PEPD: variants seen among roughly 807,000 people sequenced by gnomAD.
The protein encoded by PEPD is xaa-Pro dipeptidase.
PEPD carries 53 observed loss-of-function variants against 60.7 expected under a neutral mutation model. The ratio of observed to expected loss-of-function variants is 0.87; its 90% CI spans 0.70 to 1.10. The LOEUF (loss-of-function observed/expected upper bound fraction) is 1.10. Among genes scored for constraint, PEPD ranks in the 50% least tolerant of loss-of-function variants. The probability of loss-of-function intolerance (pLI) is 0.00; values close to 1 mark genes in which losing one functional copy is unlikely to be tolerated. For synonymous variants in PEPD, 267 were observed against 284.1 expected (o/e 0.94, Z 0.60); for missense variants, 711 against 711.9 (o/e 1.00, Z 0.01).
chr19:33,440,594 C>T (rs139653307), intron 9 of PEPD, among the ~76,000 whole-genome samples: 1,688 of 152,254 alleles, frequency 0.011, 23 homozygotes, highest in South Asian at 0.07. Context: ...CTCAGTCCCT[C>T]GCCCACTTTG....
At chr19:33,431,679 T>G (rs1420937559) in intron 9 of PEPD, among the ~76,000 whole-genome samples, 1 of 152,168 alleles carries the variant, frequency 6.6e-6, no homozygotes, top group Non-Finnish European at 1.5e-5. Context: ...TCTTTCCTGC[T>G]TCCTGGCCTC....
intron 4 of PEPD, among the ~76,000 whole-genome samples, chr19:33,494,040 C>A (rs941601189): frequency 2.0e-5 from 3 of 152,236 alleles, no homozygotes; most frequent in African/African-American, 4.8e-5. Flanking sequence ...GCCCCCTGGG[C>A]AGGTTCGTTC....
rs761390726 is a variant in PEPD at position 33,388,166 on chromosome 19, G to A, written c.1153-85C>T. On this transcript the variant is annotated intron_variant, in intron 13 of 14. Coordinates refer to ENST00000244137, the MANE Select transcript of PEPD (RefSeq NM_000285.4). ...CAGGAGAGATGGGCATGTGAGGGCC[G>A]GTGCCAGTCTCGTGGGCTCTCTTGA... 8.3e-5 allele frequency: 96 copies of A among 1,160,076 alleles called. 1 individual carries two copies. In the South Asian group the frequency reaches 1.0e-3, roughly 13 times the overall value. The allele number at this position is 1,160,076 out of a possible 1,614,324, so 71.9% of individuals were successfully genotyped here. A position where few individuals can be genotyped will look rare whatever the true frequency, so the allele number is the denominator to read the frequency against.
chr19:33,488,588 G>A (rs1337391027), intron 6 of PEPD, among the ~76,000 whole-genome samples: 1 of 152,114 alleles, frequency 6.6e-6, no homozygotes, highest in Non-Finnish European at 1.5e-5. Flanking sequence ...CAACAAGCTG[G>A]GCTAATTGCT....
chr19:33,413,454 T>A lies in PEPD; in HGVS notation c.740+121A>T, dbSNP rs1968821506. 11 of 680,332 alleles carry A rather than the reference T, an allele frequency of 1.6e-5. No individual in the cohort carries two copies. The Admixed American group carries it at 2.1e-4, about 13-fold the overall frequency. 42.1% of individuals were successfully genotyped at this position (680,332 alleles called of 1,614,324 possible). On this transcript the variant is annotated intron_variant, in intron 10 of 14. Transcript: ENST00000244137. ...CGACTTCCAAGCTTGGGCCGGGCGCTGGTGTGGGCGTGTGAGTGAGCAAGT... is the reference window on the plus strand; with the variant it reads ...CGACTTCCAAGCTTGGGCCGGGCGCAGGTGTGGGCGTGTGAGTGAGCAAGT...
chr19:33,494,154 C>T (rs1970552110), intron 4 of PEPD, among the ~76,000 whole-genome samples: 1 of 152,210 alleles, frequency 6.6e-6, no homozygotes, highest in African/African-American at 2.4e-5. Context: ...AGCCCCTCCT[C>T]CTCAGTCTGG....
chr19:33,517,360 T>A (rs1971041210), intron 1 of PEPD, among the ~76,000 whole-genome samples: 2 of 151,394 alleles, frequency 1.3e-5, no homozygotes, highest in Admixed American at 6.6e-5. Context: ...AGGAGTTCGA[T>A]ACCACCTGGC....
chr19:33,490,142 G>A, intron 5 of PEPD, 85 bp from the exon 6 acceptor site: 1 of 917,996 alleles, frequency 1.1e-6, no homozygotes, highest in Non-Finnish European at 1.8e-6. Flanking sequence ...GCTAGGCTCA[G>A]GACAGGTAAG....
At chr19:33,487,993 T>G (rs1386521785) in intron 6 of PEPD, among the ~76,000 whole-genome samples, 7 of 152,064 alleles carry the variant, frequency 4.6e-5, no homozygotes, top group African/African-American at 1.7e-4. Flanking sequence ...AAGGAGCAGC[T>G]GGCAGAGCTC....
chr19:33,514,702 C>G (rs1261300758), intron 1 of PEPD, among the ~76,000 whole-genome samples: 1 of 151,710 alleles, frequency 6.6e-6, no homozygotes, highest in African/African-American at 2.4e-5. Flanking sequence ...ACTCCCCTGG[C>G]TCCCTCCCTG....
Position 33,478,664 on chromosome 19 carries a change from A to T in PEPD, c.504-574T>A, listed in dbSNP as rs972035478. Among the ~76,000 whole-genome samples the T allele has an allele frequency of 7.2e-5, 11 of 152,300 alleles. No individual in the cohort carries two copies. In the East Asian group the frequency reaches 2.1e-3, roughly 29 times the overall value. ...ATGGTGGAGAGAAGGCAGTGGGATG[A>T]CATTTAAAGTGCTGAAAGATTAAAA... On this transcript the variant is annotated intron_variant, in intron 6 of 14. Coordinates refer to ENST00000244137, the MANE Select transcript of PEPD (RefSeq NM_000285.4).
intron 9 of PEPD, among the ~76,000 whole-genome samples, chr19:33,432,107 C>CAGAAATAAA (rs1489138614): frequency 4.0e-5 from 6 of 151,816 alleles, no homozygotes; most frequent in African/African-American, 1.5e-4. Context: ...GAAGAAAGTG[C>CAGAAATAAA]AGCCCTATCC....
At chr19:33,453,980 T>C (rs973500759) in intron 9 of PEPD, among the ~76,000 whole-genome samples, 5 of 152,210 alleles carry the variant, frequency 3.3e-5, no homozygotes, top group Non-Finnish European at 7.3e-5. Flanking sequence ...TCACTGGCTC[T>C]GCACCAGGAC....
chr19:33,490,864 C>T (rs528423381), intron 5 of PEPD, among the ~76,000 whole-genome samples: 35 of 151,476 alleles, frequency 2.3e-4, no homozygotes, highest in African/African-American at 7.9e-4. Context: ...GGTTTTGCCA[C>T]GTTGGCCAGG....
At chr19:33,485,037 G>A (rs1047854008) in intron 6 of PEPD, among the ~76,000 whole-genome samples, 1 of 152,154 alleles carries the variant, frequency 6.6e-6, no homozygotes, top group Non-Finnish European at 1.5e-5. Context: ...GCTGGGAGAT[G>A]AGAGGGCCAA....
chr19:33,457,762 G>A (rs1169546220), intron 9 of PEPD, among the ~76,000 whole-genome samples: 3 of 152,108 alleles, frequency 2.0e-5, no homozygotes, highest in African/African-American at 4.8e-5. Flanking sequence ...TGCCTGTCTC[G>A]GCCTCCCAAA....
intron 12 of PEPD, among the ~76,000 whole-genome samples, chr19:33,395,526 C>A (rs2145335289): frequency 6.6e-6 from 1 of 152,326 alleles, no homozygotes; most frequent in Middle Eastern, 3.4e-3. Context: ...AGCCCCGCTG[C>A]TCCTGCCACC....
chr19:33,489,089 G>T (rs532276671), intron 6 of PEPD, among the ~76,000 whole-genome samples: 214 of 152,170 alleles, frequency 1.4e-3, no homozygotes, highest in Middle Eastern at 3.4e-3. Flanking sequence ...CCCTCTCCAG[G>T]CTCTCCCGGG....
At chr19:33,496,119 T>C (rs1970598502) in intron 4 of PEPD, among the ~76,000 whole-genome samples, 1 of 152,150 alleles carries the variant, frequency 6.6e-6, no homozygotes. Context: ...GTTACGTTGA[T>C]GTGAATGTTC....
Sources: allele counts gnomAD v4.1 joint callset (sites outside exome capture counted in the v4.1 genomes callset), GRCh38; gene constraint gnomAD v4.1.1; transcripts MANE v1.5; gene names NCBI Gene and HGNC (gene_info 2026-07-23, HGNC 2026-07-21).